The following PACRG variants were observed in gnomAD, a reference collection of about 807,000 sequenced individuals.
PACRG encodes parkin coregulated gene protein.
Under a neutral mutation model 29.7 loss-of-function variants are expected in PACRG, and 29 were observed. That is an observed-to-expected ratio of 0.98 (90% confidence interval 0.73 to 1.33). The LOEUF (loss-of-function observed/expected upper bound fraction) is 1.33. Ranked by LOEUF, PACRG falls within the 40% of genes most tolerant of loss-of-function variation. PACRG has a pLI of 0.00. For synonymous variants in PACRG, 116 were observed against 118.7 expected (o/e 0.98, Z 0.15); for missense variants, 279 against 316.2 (o/e 0.88, Z 0.89).
At position 162,903,184 on chromosome 6, in the gene PACRG, G is replaced by T. The variant is rs193053101; in HGVS notation, c.291+88903G>T. 1.8e-4 allele frequency among the ~76,000 whole-genome samples: 27 copies of T among 152,236 alleles called. No homozygotes were observed. The South Asian group carries it at 5.6e-3, about 32-fold the overall frequency. The stretch of plus-strand genomic sequence containing the variant: ...ACAGTTTGTTGTCAGGTTTTAGGTA[G>T]TAATACTAGAATCAGACCCACCCCC... On this transcript the variant is annotated intron_variant, in intron 2 of 4. Transcript: ENST00000366888.
At chr6:162,972,439 AC>A (rs1047660939) in intron 2 of PACRG, among the ~76,000 whole-genome samples, 27 of 152,092 alleles carry the variant, frequency 1.8e-4, no homozygotes, top group Middle Eastern at 6.8e-3. Context: ...CGTGGTCAAA[AC>A]CCCCATAGTC....
intron 1 of PACRG, among the ~76,000 whole-genome samples, chr6:162,765,947 CAAAT>C (rs921317344): frequency 1.3e-5 from 2 of 151,844 alleles, no homozygotes; most frequent in African/African-American, 4.8e-5. Flanking sequence ...TTTTAGTTGA[CAAAT>C]AATATTTGTG....
chr6:162,783,118 AT>A (rs1481531492), intron 1 of PACRG, among the ~76,000 whole-genome samples: 2 of 151,950 alleles, frequency 1.3e-5, no homozygotes, highest in Non-Finnish European at 2.9e-5. Context: ...GATTGATGAA[AT>A]ATTGCCTTAA....
At chr6:162,993,904 G>A (rs1488527609) in intron 2 of PACRG, among the ~76,000 whole-genome samples, 3 of 97,178 alleles carry the variant, frequency 3.1e-5, no homozygotes, top group East Asian at 3.0e-4. Context: ...CATGTTTAGC[G>A]CTTCCTTCAG....
intron 4 of PACRG, among the ~76,000 whole-genome samples, chr6:163,153,858 C>T (rs528743139): frequency 1.2e-4 from 19 of 152,276 alleles, no homozygotes; most frequent in African/African-American, 3.6e-4. Context: ...TGCATGAGTC[C>T]GTCTCCCTCA....
intron 2 of PACRG, among the ~76,000 whole-genome samples, chr6:162,864,858 T>C (rs1207578943): frequency 6.6e-6 from 1 of 152,230 alleles, no homozygotes; most frequent in East Asian, 1.9e-4. Flanking sequence ...GCAAGTTTCA[T>C]ATACTATTTT....
chr6:163,175,441 G>C (rs1779297913), intron 4 of PACRG, among the ~76,000 whole-genome samples: 1 of 151,468 alleles, frequency 6.6e-6, no homozygotes, highest in Admixed American at 6.6e-5. Context: ...AGGCTGGGGG[G>C]AGTGGTTAAA....
intron 4 of PACRG, among the ~76,000 whole-genome samples, chr6:163,290,584 A>C (rs1463784679): frequency 6.6e-6 from 1 of 152,100 alleles, no homozygotes; most frequent in Admixed American, 6.6e-5. Context: ...AAACCACTTC[A>C]CTTCTCCAAG....
chr6:162,732,097 A>G (rs1779813912), intron 1 of PACRG, among the ~76,000 whole-genome samples: 1 of 152,136 alleles, frequency 6.6e-6, no homozygotes. Flanking sequence ...ACAGCACCCC[A>G]CTTTCATTCT....
chr6:162,989,074 C>G (rs1253343865), intron 2 of PACRG, among the ~76,000 whole-genome samples: 1 of 152,138 alleles, frequency 6.6e-6, no homozygotes, highest in East Asian at 1.9e-4. Context: ...ACTACTCTGG[C>G]AAGACATGAA....
intron 3 of PACRG, among the ~76,000 whole-genome samples, chr6:163,084,427 G>A (rs1287931084): frequency 2.6e-5 from 4 of 152,164 alleles, no homozygotes; most frequent in African/African-American, 4.8e-5. Context: ...GAATGAAGAA[G>A]AGAAATAGAG....
intron 4 of PACRG, among the ~76,000 whole-genome samples, chr6:163,116,436 A>G (rs905068528): frequency 2.6e-5 from 4 of 152,146 alleles, no homozygotes; most frequent in Non-Finnish European, 5.9e-5. Context: ...GGGCAGGGAA[A>G]TAGGTCCAAA....
chr6:162,809,115 A>G lies in PACRG; in HGVS notation c.157-5032A>G, dbSNP rs545810673. The stretch of plus-strand genomic sequence containing the variant: ...TTCTATAAAGCTTAGGTGGTTACAC[A>G]TGTCATATGTACCTGGAACAGAAAA... On this transcript the variant is annotated intron_variant, in intron 1 of 4. Transcript: ENST00000366888. Among the ~76,000 whole-genome samples the G allele has an allele frequency of 2.4e-4, 37 of 152,268 alleles. 1 individual carries two copies. In the South Asian group the frequency reaches 5.0e-3, roughly 20 times the overall value.
intron 1 of PACRG, among the ~76,000 whole-genome samples, chr6:162,767,102 T>C (rs537892605): frequency 1.9e-4 from 29 of 152,184 alleles, no homozygotes; most frequent in African/African-American, 7.0e-4. Flanking sequence ...TAATACATGA[T>C]ACAGTTTTAT....
chr6:163,277,183 T>C (rs1283978682), intron 4 of PACRG, among the ~76,000 whole-genome samples: 1 of 152,024 alleles, frequency 6.6e-6, no homozygotes, highest in Admixed American at 6.6e-5. Flanking sequence ...TGGTGATTTC[T>C]GAGATTTTGG....
chr6:162,767,581 A>G (rs1197526490), intron 1 of PACRG, among the ~76,000 whole-genome samples: 1 of 151,644 alleles, frequency 6.6e-6, no homozygotes, highest in Non-Finnish European at 1.5e-5. Context: ...AATAGAAAAT[A>G]AGTTGGGTTT....
intron 4 of PACRG, among the ~76,000 whole-genome samples, chr6:163,270,478 C>G (rs1488863466): frequency 6.6e-6 from 1 of 152,068 alleles, no homozygotes; most frequent in Non-Finnish European, 1.5e-5. Context: ...TCAAGGGATC[C>G]TCCCATCTCA....
intron 2 of PACRG, among the ~76,000 whole-genome samples, chr6:163,044,170 C>CTT (rs368372180): frequency 0.33 from 45,631 of 139,752 alleles, 7,755 homozygotes; most frequent in East Asian, 0.66. Flanking sequence ...AAACAGATGA[C>CTT]TTTTTTTTTT....
At chr6:163,081,724 C>G (rs1261006590) in intron 3 of PACRG, among the ~76,000 whole-genome samples, 1 of 152,036 alleles carries the variant, frequency 6.6e-6, no homozygotes, top group African/African-American at 2.4e-5. Context: ...CCACTGCACT[C>G]CAGCTAGGGT....
Sources: allele counts gnomAD v4.1 joint callset (sites outside exome capture counted in the v4.1 genomes callset), GRCh38; gene constraint gnomAD v4.1.1; transcripts MANE v1.5; gene names NCBI Gene and HGNC (gene_info 2026-07-23, HGNC 2026-07-21).